Variants in RAPGEF4 observed in about 807,000 individuals in gnomAD.
RAPGEF4 encodes RAP guanine-nucleotide-exchange factor (GEF) 4.
RAPGEF4 carries 66 observed loss-of-function variants against 147.9 expected under a neutral mutation model. The observed-to-expected ratio is 0.45, with a 90% confidence interval of 0.37 to 0.55. The LOEUF (loss-of-function observed/expected upper bound fraction) is 0.55, where lower values mean the gene tolerates loss of function less well. Among genes scored for constraint, RAPGEF4 ranks in the 20% least tolerant of loss-of-function variants. The probability of loss-of-function intolerance (pLI) is 0.00; values close to 1 mark genes in which losing one functional copy is unlikely to be tolerated. For missense variants in RAPGEF4, 1,071 were observed against 1,257.3 expected (o/e 0.85, Z 2.24); for synonymous variants, 419 against 442.7 (o/e 0.95, Z 0.67).
At chr2:172,737,123 G>A (rs1254688556) in intron 1 of RAPGEF4, among the ~76,000 whole-genome samples, 1 of 152,220 alleles carries the variant, frequency 6.6e-6, no homozygotes, top group East Asian at 1.9e-4. Flanking sequence ...AAAGCTAAAT[G>A]TAGCTCATTT....
chr2:172,931,939 T>A (rs1686028496), intron 6 of RAPGEF4, among the ~76,000 whole-genome samples: 1 of 152,040 alleles, frequency 6.6e-6, no homozygotes, highest in Non-Finnish European at 1.5e-5. Context: ...AATGCTTCCC[T>A]TTCCCCTTCC....
chr2:172,927,247 A>T (rs1406526229), intron 6 of RAPGEF4, among the ~76,000 whole-genome samples: 1 of 152,232 alleles, frequency 6.6e-6, no homozygotes, highest in African/African-American at 2.4e-5. Flanking sequence ...GTAGAATAAT[A>T]AGAACCTTTT....
At chr2:173,043,478 G>C (rs1180059175) in intron 29 of RAPGEF4, among the ~76,000 whole-genome samples, 1 of 152,210 alleles carries the variant, frequency 6.6e-6, no homozygotes, top group East Asian at 1.9e-4. Context: ...TCCTAGAGTG[G>C]TACCAATGAG....
chr2:172,962,908 A>T (rs989857955), intron 8 of RAPGEF4, among the ~76,000 whole-genome samples: 13 of 152,136 alleles, frequency 8.5e-5, no homozygotes, highest in Non-Finnish European at 5.9e-5. Flanking sequence ...CTGTTTTCAC[A>T]CTGCTATAAA....
chr2:172,826,019 A>C lies in RAPGEF4; in HGVS notation c.444+11594A>C, dbSNP rs1689630594. Among the ~76,000 whole-genome samples the C allele has an allele frequency of 2.6e-5, 4 of 152,122 alleles. No individual in the cohort carries two copies. In the South Asian group the frequency reaches 8.3e-4, roughly 32 times the overall value. On this transcript the variant is annotated intron_variant, in intron 4 of 30. Coordinates refer to ENST00000397081, the MANE Select transcript of RAPGEF4 (RefSeq NM_007023.4). Reference sequence around the variant, plus strand: ...AAACCTTATTTTATGATCTGTAACAAAATTTTGTGAAGATTTCTTTTCTGG... The same window carrying C: ...AAACCTTATTTTATGATCTGTAACACAATTTTGTGAAGATTTCTTTTCTGG...
chr2:172,914,446 G>A (rs532260325), intron 4 of RAPGEF4, among the ~76,000 whole-genome samples: 10 of 135,792 alleles, frequency 7.4e-5, no homozygotes, highest in South Asian at 2.5e-4. Context: ...CGATTCTCCC[G>A]CCTCACCCTC....
chr2:172,840,594 G>T (rs1166681588), intron 4 of RAPGEF4, among the ~76,000 whole-genome samples: 2 of 152,210 alleles, frequency 1.3e-5, no homozygotes, highest in Non-Finnish European at 2.9e-5. Context: ...TGCATGAAAA[G>T]TTCATCACTG....
At chr2:173,020,795 C>A in intron 23 of RAPGEF4, 80 bp downstream of exon 23, 1 of 1,079,976 alleles carries the variant, frequency 9.3e-7, no homozygotes, top group Non-Finnish European at 1.4e-6. Flanking sequence ...TCACACTGAA[C>A]CCAGTGGCTA....
At chr2:172,984,351 A>C (rs1575442724) in intron 11 of RAPGEF4, among the ~76,000 whole-genome samples, 1 of 152,176 alleles carries the variant, frequency 6.6e-6, no homozygotes, top group African/African-American at 2.4e-5. Context: ...GTGTTCTGCT[A>C]CCTCACAGTA....
intron 15 of RAPGEF4, among the ~76,000 whole-genome samples, chr2:172,995,279 G>GTGTA (rs1337957001): frequency 1.3e-5 from 2 of 151,430 alleles, no homozygotes; most frequent in African/African-American, 4.9e-5. Flanking sequence ...GTGTGTGTGT[G>GTGTA]TGTGTGTGTG....
At chr2:172,897,677 C>G (rs1376252848) in intron 4 of RAPGEF4, among the ~76,000 whole-genome samples, 1 of 151,328 alleles carries the variant, frequency 6.6e-6, no homozygotes, top group Non-Finnish European at 1.5e-5. Flanking sequence ...GCTGGGATTA[C>G]AGGCATGAGC....
rs972239268 is a variant in RAPGEF4, at chr2:172,961,467, G to A, written c.698+239G>A. ...TATTGGTTTAGTTGTGATGAACAAA[G>A]AGAAGAAAATTTTTGTAATTTCTTT... On this transcript the variant is annotated intron_variant, in intron 8 of 30. Transcript: ENST00000397081. Among the ~76,000 whole-genome samples, 4 of 152,142 alleles carry A rather than the reference G, an allele frequency of 2.6e-5. No homozygotes were observed. The South Asian group carries it at 8.3e-4, about 32-fold the overall frequency.
At chr2:172,885,432 G>C (rs563278671) in intron 4 of RAPGEF4, among the ~76,000 whole-genome samples, 13 of 152,294 alleles carry the variant, frequency 8.5e-5, no homozygotes, top group African/African-American at 2.9e-4. Flanking sequence ...GTTCCCAGCT[G>C]GTCGCCCTGT....
chr2:173,000,648 G>A (rs544023611), intron 16 of RAPGEF4, among the ~76,000 whole-genome samples: 141 of 152,142 alleles, frequency 9.3e-4, no homozygotes, highest in Non-Finnish European at 1.5e-3. Flanking sequence ...ATATAGGACA[G>A]TCACCATTTG....
chr2:172,843,001 G>A (rs958004468), intron 4 of RAPGEF4, among the ~76,000 whole-genome samples: 3 of 152,190 alleles, frequency 2.0e-5, no homozygotes, highest in African/African-American at 2.4e-5. Context: ...CTAAGCTAAG[G>A]AATCTGGATT....
chr2:172,929,048 T>C (rs774830194), intron 6 of RAPGEF4, among the ~76,000 whole-genome samples: 1 of 152,224 alleles, frequency 6.6e-6, no homozygotes, highest in Non-Finnish European at 1.5e-5. Flanking sequence ...GCAATTATCG[T>C]CATCACCAGT....
chr2:172,959,551 C>T (rs989011990), intron 6 of RAPGEF4, among the ~76,000 whole-genome samples: 4 of 152,064 alleles, frequency 2.6e-5, no homozygotes, highest in Non-Finnish European at 5.9e-5. Flanking sequence ...ATTCTGCCTA[C>T]CACAATCTCA....
chr2:172,780,230 G>A (rs1684555443), intron 1 of RAPGEF4, among the ~76,000 whole-genome samples: 1 of 152,164 alleles, frequency 6.6e-6, no homozygotes, highest in Non-Finnish European at 1.5e-5. Flanking sequence ...CCCAGGGACT[G>A]AGTAATTCTT....
chr2:172,784,252 C>T (rs539555815), intron 1 of RAPGEF4, among the ~76,000 whole-genome samples: 25 of 152,308 alleles, frequency 1.6e-4, no homozygotes, highest in Middle Eastern at 6.8e-3. Context: ...GGAGCGGTGG[C>T]TCACGCCTGT....
Sources: allele counts gnomAD v4.1 joint callset (sites outside exome capture counted in the v4.1 genomes callset), GRCh38; gene constraint gnomAD v4.1.1; transcripts MANE v1.5; gene names NCBI Gene and HGNC (gene_info 2026-07-23, HGNC 2026-07-21).